Variants in FCGR2B observed in about 807,000 individuals in gnomAD.
FCGR2B encodes low affinity immunoglobulin gamma Fc region receptor II-b.
In FCGR2B, 18 loss-of-function variants were observed where a neutral mutation model predicts 24.8. The ratio of observed to expected loss-of-function variants is 0.73; its 90% CI spans 0.50 to 1.08. The LOEUF (loss-of-function observed/expected upper bound fraction) is 1.08, where lower values mean the gene tolerates loss of function less well. Ranked by LOEUF, FCGR2B falls within the 50% of genes least tolerant of loss-of-function variation. The pLI, the probability that FCGR2B is intolerant of heterozygous loss-of-function variation, is 0.00. For missense variants in FCGR2B, 215 were observed against 297.6 expected (o/e 0.72, Z 2.04); for synonymous variants, 79 against 109.8 (o/e 0.72, Z 1.75).
the FCGR2B span, among the ~76,000 whole-genome samples, chr1:161,647,883 G>A: frequency 0.055 from 8,292 of 150,986 alleles, 552 homozygotes; most frequent in Middle Eastern, 0.083. Context: ...CATAAATGGG[G>A]CATGTCCTTG....
chr1:161,678,609 C>A lies in FCGR2B; in HGVS notation c.*1056C>A. The A allele has an allele frequency of 4.8e-6, 1 of 206,934 alleles. No homozygotes were observed. The highest frequency in any genetic ancestry group is 7.4e-5 in the East Asian group (1 of 13,604). 12.8% of individuals were successfully genotyped at this position (206,934 alleles called of 1,614,324 possible). On this transcript the variant is annotated 3_prime_UTR_variant, in exon 8 of 8. Coordinates refer to ENST00000358671, the MANE Select transcript of FCGR2B (RefSeq NM_001394477.1). ...CCTTGTATTCTTGTTTCCATGTCTTCTTCTCTTTCCTCCTATGGCAAATAA... is the reference window on the plus strand; with the variant it reads ...CCTTGTATTCTTGTTTCCATGTCTTATTCTCTTTCCTCCTATGGCAAATAA...
the FCGR2B span, among the ~76,000 whole-genome samples, chr1:161,647,697 T>G: frequency 6.6e-6 from 1 of 151,014 alleles, no homozygotes; most frequent in Admixed American, 6.6e-5. Context: ...CCTTGTAAAC[T>G]GGATTCCTTC....
intron 6 of FCGR2B, 160 bp from the exon 7 acceptor site, chr1:161,677,168 A>G (rs754628435): frequency 1.6e-4 from 112 of 706,516 alleles, no homozygotes; most frequent in Admixed American, 8.9e-4. Context: ...TCGATCAATG[A>G]GGTCATATTT....
At chr1:161,654,084 G>C in the FCGR2B span, among the ~76,000 whole-genome samples, 8 of 136,880 alleles carry the variant, frequency 5.8e-5, no homozygotes, top group African/African-American at 1.7e-4. Flanking sequence ...AGAAATTGCT[G>C]CTTGCTCTCT....
Position 161,673,993 on chromosome 1 carries a change from C to T in FCGR2B, c.680C>T (p.Ala227Val), listed in dbSNP as rs1294388116. Residue 227 changes from alanine (A) to valine (V), a missense_variant, in exon 5 of 8, where the codon GCT becomes GTT. Transcript: ENST00000358671. ...PSSSPMGIIVAVVTGIAVAAI... is the reference protein window; with the variant it reads ...PSSSPMGIIVVVVTGIAVAAI... ...TCTTCACCGATGGGGATCATTGTGG[C>T]TGTGGTCACTGGGATTGCTGTAGCG... 1 of 515,294 alleles carries T rather than the reference C, an allele frequency of 1.9e-6. No individual in the cohort carries two copies. Among genetic ancestry groups the T allele is most frequent in the South Asian group, 2.1e-5 (1 of 47,280 alleles). The allele number at this position is 515,294 out of a possible 1,614,324, so 31.9% of individuals were successfully genotyped here.
chr1:161,653,789 A>C, the FCGR2B span, among the ~76,000 whole-genome samples: 1 of 124,880 alleles, frequency 8.0e-6, no homozygotes, highest in South Asian at 2.8e-4. Context: ...GGATTGCAAA[A>C]TTTATAACTT....
chr1:161,673,792 C>A, intron 4 of FCGR2B, 168 bp from the exon 5 acceptor site: 1 of 478,214 alleles, frequency 2.1e-6, no homozygotes, highest in Non-Finnish European at 3.9e-6. Context: ...GGCATAAGTC[C>A]AGCCACAGAA....
intron 6 of FCGR2B, chr1:161,676,473 C>G (rs551089049): frequency 1.5e-4 from 27 of 177,806 alleles, no homozygotes; most frequent in Admixed American, 1.4e-3. Flanking sequence ...TCACAAGGCA[C>G]TTTTGCAGCC....
the FCGR2B span, among the ~76,000 whole-genome samples, chr1:161,656,210 G>A: frequency 6.8e-6 from 1 of 146,894 alleles, no homozygotes; most frequent in Admixed American, 7.0e-5. Context: ...CACAGGATAG[G>A]TTTGTATTGT....
the FCGR2B span, among the ~76,000 whole-genome samples, chr1:161,650,565 G>GGGAA: frequency 9.5e-5 from 14 of 147,222 alleles, no homozygotes; most frequent in Non-Finnish European, 2.1e-4. Flanking sequence ...TAGATGCCAG[G>GGGAA]GGAAGCCCTC....
the FCGR2B span, among the ~76,000 whole-genome samples, chr1:161,649,387 T>G: frequency 2.0e-5 from 3 of 150,992 alleles, no homozygotes. Flanking sequence ...GGGCTGAAAA[T>G]TTCTTGAGCC....
At position 161,677,644 on chromosome 1, in the gene FCGR2B, G is replaced by A. The variant is rs565144067; in HGVS notation, c.*91G>A. 1.0e-6 allele frequency: 1 copy of A among 1,002,138 alleles called. No individual in the cohort carries two copies. The highest frequency in any genetic ancestry group is 1.6e-5 in the African/African-American group (1 of 61,706). 62.1% of individuals were successfully genotyped at this position (1,002,138 alleles called of 1,614,324 possible). A position where few individuals can be genotyped will look rare whatever the true frequency, so the allele number is the denominator to read the frequency against. On this transcript the variant is annotated 3_prime_UTR_variant, in exon 8 of 8. Coordinates refer to ENST00000358671, the MANE Select transcript of FCGR2B (RefSeq NM_001394477.1). ...CTAAATTCCCCTTGGGGAGGACAGG[G>A]AGATGCTGCAGTTCCAAAAGAGAAG...
At chr1:161,674,446 C>T (rs1681945799) in intron 5 of FCGR2B, 3 of 378,006 alleles carry the variant, frequency 7.9e-6, no homozygotes, top group Non-Finnish European at 1.5e-5. Flanking sequence ...AGGGCTGAGG[C>T]AGTTGGAGAA....
the FCGR2B span, among the ~76,000 whole-genome samples, chr1:161,650,119 T>A: frequency 6.7e-6 from 1 of 149,880 alleles, no homozygotes; most frequent in Non-Finnish European, 1.5e-5. Context: ...GTGATTCTCC[T>A]GCTTCAGCCT....
intron 4 of FCGR2B, 24 bp from the exon 5 acceptor site, chr1:161,673,936 T>G (rs1681913304): frequency 2.2e-6 from 1 of 449,106 alleles, no homozygotes; most frequent in Non-Finnish European, 4.1e-6. Flanking sequence ...GAGTACTGCC[T>G]GTCCTGATGT....
rs4657088 is a variant in FCGR2B, at chr1:161,672,955, C to A, written c.392-20C>A. 8 of 1,612,440 alleles carry A rather than the reference C, an allele frequency of 5.0e-6. No individual in the cohort carries two copies. In the South Asian group the frequency reaches 5.5e-5, roughly 11 times the overall value. On this transcript the variant is annotated intron_variant, in intron 3 of 7. Coordinates refer to ENST00000358671, the MANE Select transcript of FCGR2B (RefSeq NM_001394477.1). ...GAGCCAAGACCTCCCGGGTCCTCTG[C>A]GGTTTTTTGTGTCTTTCAGAGTGGC... is the stretch of plus-strand genomic sequence containing the variant.
chr1:161,671,731 G>T (rs563412539), intron 3 of FCGR2B, 82 bp downstream of exon 3: 27 of 1,597,270 alleles, frequency 1.7e-5, no homozygotes, highest in Non-Finnish European at 2.3e-5. Context: ...TTGCAGGAAA[G>T]GGGGGTGGCC....
upstream of FCGR2B, among the ~76,000 whole-genome samples, chr1:161,660,938 G>A (rs1680960025): frequency 1.2e-5 from 1 of 80,404 alleles, no homozygotes; most frequent in African/African-American, 5.7e-5. Flanking sequence ...GCAGGGCGTG[G>A]TGGCAGATGC....
chr1:161,671,558 G>T lies in FCGR2B; in HGVS notation c.300G>T (p.Arg100Ser), dbSNP rs763162921. 9.9e-6 allele frequency: 16 copies of T among 1,614,072 alleles called. No individual in the cohort carries two copies. The African/African-American group carries it at 1.3e-4, about 13-fold the overall frequency. ...LIPTHTQPSYRFKANNNDSGE... is the reference protein window; with the variant it reads ...LIPTHTQPSYSFKANNNDSGE... ...CCACCCACACGCAGCCCAGCTACAG[G>T]TTCAAGGCCAACAACAATGACAGCG... The change falls in exon 3 of 8, where the codon AGG becomes AGT. Residue 100 changes from arginine to serine, a missense_variant. Arg to Ser is a moderately radical substitution (Grantham distance 110, BLOSUM62 -1). Around this residue, in one of 5 missense-constraint regions of FCGR2B, gnomAD observed 39 missense variants for 73.3 expected, o/e 0.53. Coordinates refer to ENST00000358671, the MANE Select transcript of FCGR2B (RefSeq NM_001394477.1).
Sources: gnomAD v4.1 joint callset for allele counts (sites outside exome capture counted in the v4.1 genomes callset) on GRCh38, gnomAD v4.1.1 for gene constraint, gnomAD v4.1.1 regional missense constraint, MANE v1.5 for transcripts, NCBI Gene and HGNC (gene_info 2026-07-23, HGNC 2026-07-21) for gene names.